Variants in GBP2 observed in about 807,000 individuals in gnomAD.
GBP2 encodes guanylate-binding protein 2.
A neutral mutation model predicts 60.8 loss-of-function variants in GBP2; 54 were observed. That is an observed-to-expected ratio of 0.89 (90% CI 0.71 to 1.11). The LOEUF is 1.11. GBP2 is among the 50% of genes most tolerant of loss of function. The probability of loss-of-function intolerance (pLI) is 0.00; values close to 1 mark genes in which losing one functional copy is unlikely to be tolerated. For missense variants in GBP2, 665 were observed against 703.3 expected (o/e 0.95, Z 0.62); for synonymous variants, 243 against 256.5 (o/e 0.95, Z 0.50).
chr1:89,124,500 A>T (rs922982858), intron 1 of GBP2, among the ~76,000 whole-genome samples: 1 of 152,224 alleles, frequency 6.6e-6, no homozygotes, highest in Non-Finnish European at 1.5e-5. Flanking sequence ...CACTAAGCTC[A>T]TGTACACAGT....
chr1:89,112,405 T>G (rs1014391579), intron 8 of GBP2, 67 bp downstream of exon 8: 2 of 1,357,460 alleles, frequency 1.5e-6, no homozygotes, highest in African/African-American at 1.4e-5. Flanking sequence ...ATTTACCTTC[T>G]TCCCAGTGGG....
Position 89,121,790 on chromosome 1 carries a change from A to T in GBP2, c.177T>A (p.Ala59=). The change falls in exon 2 of 11, where the codon GCT becomes GCA. Residue 59 remains alanine, a synonymous_variant. Transcript: ENST00000370466. The part of the protein sequence containing the change: ...TGKSYLMNKL[A]GKKNGFSLGS... Reference sequence around the variant, plus strand: ...GGTGTCACTCACCGTTTTTCTTCCCAGCCAGCTTGTTCATCAGGTAGGATT... The same window carrying T: ...GGTGTCACTCACCGTTTTTCTTCCCTGCCAGCTTGTTCATCAGGTAGGATT... 6.2e-7 allele frequency: 1 copy of T among 1,613,914 alleles called. No individual in the cohort carries two copies. Among genetic ancestry groups the T allele is most frequent in the Non-Finnish European group, 8.5e-7 (1 of 1,179,870 alleles).
intron 6 of GBP2, among the ~76,000 whole-genome samples, chr1:89,115,584 C>T (rs1022178857): frequency 6.6e-6 from 1 of 152,040 alleles, no homozygotes; most frequent in Non-Finnish European, 1.5e-5. Flanking sequence ...TTGTTCCAAT[C>T]GCCTGTCTTT....
At chr1:89,108,957 G>A (rs1194403064) in intron 10 of GBP2, among the ~76,000 whole-genome samples, 4 of 150,276 alleles carry the variant, frequency 2.7e-5, no homozygotes, top group Non-Finnish European at 5.9e-5. Context: ...GTGCAATGGC[G>A]CCATCTTGGC....
In GBP2 at chr1:89,117,012, C is replaced by T. The variant is rs370885169; in HGVS notation, c.848G>A (p.Gly283Asp). Residue 283 changes from glycine to aspartate, a missense_variant, in exon 6 of 11, where the codon GGC (glycine) becomes GAC (aspartate). Transcript: ENST00000370466. ...CTCACGAGGCCCATTGACTGGAATGCCACCTGAAAGAGTCTTGACATTGGA... is the reference window on the plus strand; with the variant it reads ...CTCACGAGGCCCATTGACTGGAATGTCACCTGAAAGAGTCTTGACATTGGA... ...SHSNVKTLSG[G>D]IPVNGPRLES... is the part of the protein sequence containing the mutation. 5 of 1,613,862 alleles carry T rather than the reference C, an allele frequency of 3.1e-6. No individual in the cohort carries two copies. In the Admixed American group the frequency reaches 6.7e-5, roughly 22 times the overall value.
At chr1:89,125,029 A>T (rs1357302015) in intron 1 of GBP2, among the ~76,000 whole-genome samples, 2 of 152,214 alleles carry the variant, frequency 1.3e-5, no homozygotes, top group African/African-American at 4.8e-5. Flanking sequence ...CCAGGCCTTG[A>T]TAATTTGATA....
chr1:89,109,992 C>T, intron 9 of GBP2, 122 bp from the exon 10 acceptor site: 1 of 1,090,416 alleles, frequency 9.2e-7, no homozygotes, highest in Non-Finnish European at 1.3e-6. Flanking sequence ...GTAATTTTGC[C>T]TTGGGTAACC....
At chr1:89,123,196 T>C (rs1681444858) in intron 1 of GBP2, among the ~76,000 whole-genome samples, 1 of 152,190 alleles carries the variant, frequency 6.6e-6, no homozygotes, top group Non-Finnish European at 1.5e-5. Flanking sequence ...AGCCTTAGAA[T>C]CGACCATTTC....
rs1264444985 is a variant in GBP2, at chr1:89,121,168, G to A, written c.293C>T (p.Thr98Ile). Reference protein sequence around the residue: ...KPEHTLVLLDTEGLGDIEKGD... With the variant: ...KPEHTLVLLDIEGLGDIEKGD... Reference sequence around the variant, plus strand: ...CTTCTCTATATCTCCCAGGCCCTCAGTGTCGAGCAGAACTAGGGTGTGTTC... The same window carrying A: ...CTTCTCTATATCTCCCAGGCCCTCAATGTCGAGCAGAACTAGGGTGTGTTC... Residue 98 changes from threonine to isoleucine, a missense_variant, in exon 3 of 11, where the codon ACT (threonine) becomes ATT (isoleucine). Physicochemically the swap from Thr to Ile is moderately conservative, Grantham distance 89. Transcript: ENST00000370466. The A allele has an allele frequency of 6.2e-7, 1 of 1,612,742 alleles. No individual in the cohort carries two copies. The highest frequency in any genetic ancestry group is 2.2e-5 in the East Asian group (1 of 44,808).
Position 89,116,933 on chromosome 1 carries a change from C to T in GBP2, c.868+59G>A, listed in dbSNP as rs1177844965. The T allele has an allele frequency of 1.9e-6, 3 of 1,579,372 alleles. No homozygotes were observed. In the African/African-American group the frequency reaches 4.0e-5, roughly 21 times the overall value. On this transcript the variant is annotated intron_variant, in intron 6 of 10. Transcript: ENST00000370466. ...TGACCCTTATGCTTTCCATTTTATC[C>T]TCTACAATGGGCAGAAGGAGAAAGT...
chr1:89,109,737 C>T lies in GBP2; in HGVS notation c.1599G>A (p.Met533Ile), dbSNP rs762768352. The T allele has an allele frequency of 3.7e-6, 6 of 1,614,040 alleles. No homozygotes were observed. Among genetic ancestry groups the T allele is most frequent in the Non-Finnish European group, 5.1e-6 (6 of 1,180,022 alleles). ...QEHVKQLTEK[M>I]ERDRAQLMAE... ...CCATTAACTGGGCCCTGTCCCTCTC[C>T]ATCTTCTCAGTCAATTGTTTCACAT... Residue 533 changes from methionine to isoleucine, a missense_variant, in exon 10 of 11, where the codon ATG (methionine) becomes ATA (isoleucine). Physicochemically the swap from Met to Ile is conservative, Grantham distance 10. Transcript: ENST00000370466.
chr1:89,122,254 C>T (rs536260065), intron 1 of GBP2, among the ~76,000 whole-genome samples: 149 of 152,214 alleles, frequency 9.8e-4, no homozygotes, highest in African/African-American at 3.5e-3. Context: ...TAAAATTTTC[C>T]ATAACCATAG....
chr1:89,116,886 T>C (rs1390756959), intron 6 of GBP2, 106 bp downstream of exon 6: 1 of 1,091,956 alleles, frequency 9.2e-7, no homozygotes, highest in Non-Finnish European at 1.3e-6. Flanking sequence ...TTGCCATCAA[T>C]AGACTATGCA....
In GBP2 at chr1:89,110,291, T is replaced by C. The variant is rs202082958; in HGVS notation, c.1363-25A>G. Reference sequence around the variant, plus strand: ...CCTGGTTATACAGAGAAAGGTAGAATGAAGAAAGAGTGATTGTGGGTTAGA... The same window carrying C: ...CCTGGTTATACAGAGAAAGGTAGAACGAAGAAAGAGTGATTGTGGGTTAGA... On this transcript the variant is annotated intron_variant, in intron 8 of 10. Transcript: ENST00000370466. The C allele has an allele frequency of 1.4e-5, 22 of 1,565,946 alleles. No homozygotes were observed. In the East Asian group the frequency reaches 4.9e-4, roughly 35 times the overall value.
In GBP2 at chr1:89,112,602, T is replaced by G. The variant is rs752094742; in HGVS notation, c.1232A>C (p.Asp411Ala). Residue 411 changes from aspartate to alanine, a missense_variant, in exon 8 of 11, where the codon GAT becomes GCT. Physicochemically the swap from Asp to Ala is moderately radical, Grantham distance 126. Transcript: ENST00000370466. ...SSDCCMALLQDIFGPLEEDVK... is the reference protein window; with the variant it reads ...SSDCCMALLQAIFGPLEEDVK... ...ATCTTCTTCTAAAGGGCCAAATATATCCTGAAGTAAAGCCATGCAACAATC... is the reference window on the plus strand; with the variant it reads ...ATCTTCTTCTAAAGGGCCAAATATAGCCTGAAGTAAAGCCATGCAACAATC... 2 of 1,614,174 alleles carry G rather than the reference T, an allele frequency of 1.2e-6. No homozygotes were observed. Among genetic ancestry groups the G allele is most frequent in the South Asian group, 1.1e-5 (1 of 91,086 alleles).
chr1:89,115,440 C>G (rs779573252), intron 6 of GBP2, among the ~76,000 whole-genome samples: 1 of 152,160 alleles, frequency 6.6e-6, no homozygotes, highest in African/African-American at 2.4e-5. Context: ...CCTTACCTCA[C>G]TGCCAAAAAT....
chr1:89,123,837 C>A (rs1215696573), intron 1 of GBP2, among the ~76,000 whole-genome samples: 1 of 152,224 alleles, frequency 6.6e-6, no homozygotes, highest in African/African-American at 2.4e-5. Flanking sequence ...ACTTTCCCTT[C>A]ATCTTGGCAC....
intron 4 of GBP2, chr1:89,118,256 T>G (rs1681321269): frequency 6.5e-6 from 1 of 153,012 alleles, no homozygotes; most frequent in Non-Finnish European, 1.5e-5. Context: ...GTAAATTATC[T>G]CTGACATTGT....
rs1038301436 is a variant in GBP2 at position 89,108,294 on chromosome 1, A to C, written c.1660-3T>G. On this transcript the variant is annotated splice_region_variant and splice_polypyrimidine_tract_variant and intron_variant, in intron 10 of 10. Coordinates refer to ENST00000370466, the MANE Select transcript of GBP2 (RefSeq NM_004120.5). ...TCCTTGAGAAGGCGTTCCTGTTCCT[A>C]AAAGGGAAAGTGGAGACTAAGCCTA... 14 of 1,592,136 alleles carry C rather than the reference A, an allele frequency of 8.8e-6. No individual in the cohort carries two copies. The highest frequency in any genetic ancestry group is 5.0e-5 in the Admixed American group (3 of 59,828).
Sources: gnomAD v4.1 joint callset for allele counts (sites outside exome capture counted in the v4.1 genomes callset) on GRCh38, gnomAD v4.1.1 for gene constraint, MANE v1.5 for transcripts, NCBI Gene and HGNC (gene_info 2026-07-23, HGNC 2026-07-21) for gene names.